The following CD200R1L variants were observed in gnomAD, a reference collection of about 807,000 sequenced individuals.
CD200R1L encodes the protein CD200 receptor 1 like, also known as cell surface glycoprotein CD200 receptor 2.
A neutral mutation model predicts 24.8 loss-of-function variants in CD200R1L; 14 were observed. The observed-to-expected ratio is 0.56, with a 90% CI of 0.37 to 0.88. The LOEUF is 0.88. Ranked by LOEUF, CD200R1L falls within the 40% of genes least tolerant of loss-of-function variation. CD200R1L has a pLI of 0.00. For missense variants in CD200R1L, 299 were observed against 297.8 expected, an observed-to-expected ratio of 1.00 and a Z score of -0.03; for synonymous variants, 111 against 109.2, an observed-to-expected ratio of 1.02 and a Z score of -0.11.
At chr3:112,822,521 G>T (rs935887182) in intron 6 of CD200R1L, among the ~76,000 whole-genome samples, 2 of 152,132 alleles carry the variant, frequency 1.3e-5, no homozygotes, top group Non-Finnish European at 2.9e-5. Context: ...GAGAGCTTCT[G>T]GGTTGGGAGA....
At chr3:112,826,864 C>A in intron 6 of CD200R1L, 129 bp downstream of exon 6, 1 of 1,068,962 alleles carries the variant, frequency 9.4e-7, no homozygotes, top group Non-Finnish European at 1.3e-6. Flanking sequence ...TAATGCATTT[C>A]TCAGTTTGAG....
intron 7 of CD200R1L, among the ~76,000 whole-genome samples, 160 bp from the exon 8 acceptor site, chr3:112,816,135 A>G (rs1053370357): frequency 2.6e-5 from 4 of 152,236 alleles, no homozygotes; most frequent in African/African-American, 7.2e-5. Flanking sequence ...TCAATTACCT[A>G]AGACACCAGG....
chr3:112,822,123 A>G (rs761014208), intron 6 of CD200R1L, among the ~76,000 whole-genome samples: 1 of 152,228 alleles, frequency 6.6e-6, no homozygotes, highest in Non-Finnish European at 1.5e-5. Flanking sequence ...CAAGGACCTT[A>G]CACTGTGCTG....
intron 3 of CD200R1L, among the ~76,000 whole-genome samples, chr3:112,833,303 A>C (rs1291792544): frequency 6.6e-6 from 1 of 152,228 alleles, no homozygotes; most frequent in East Asian, 1.9e-4. Flanking sequence ...TCATAAAATC[A>C]GGCAGATCTG....
At chr3:112,822,474 A>G (rs1197252279) in intron 6 of CD200R1L, among the ~76,000 whole-genome samples, 1 of 152,126 alleles carries the variant, frequency 6.6e-6, no homozygotes, top group Non-Finnish European at 1.5e-5. Context: ...TACCTATGTA[A>G]TAGAGCCTCC....
At chr3:112,832,769 A>G (rs1205943780) in intron 3 of CD200R1L, among the ~76,000 whole-genome samples, 1 of 152,242 alleles carries the variant, frequency 6.6e-6, no homozygotes, top group Non-Finnish European at 1.5e-5. Flanking sequence ...AACATTCATC[A>G]GGAAGGAACA....
rs574749341 is a variant in CD200R1L at position 112,843,422 on chromosome 3, G to C, written c.-87+2257C>G. Among the ~76,000 whole-genome samples the C allele has an allele frequency of 2.0e-5, 3 of 152,302 alleles. No homozygotes were observed. In the East Asian group the frequency reaches 5.8e-4, roughly 29 times the overall value. ...TTGGGGTCTATTTTCAGTATCTTTA[G>C]AGAAAAGAAATTCCAACCAAGGATT... On this transcript the variant is annotated intron_variant, in intron 2 of 7. Coordinates refer to ENST00000488794, the MANE Select transcript of CD200R1L (RefSeq NM_001199215.3).
At chr3:112,820,981 C>T (rs1316631311) in intron 6 of CD200R1L, among the ~76,000 whole-genome samples, 2 of 151,000 alleles carry the variant, frequency 1.3e-5, no homozygotes, top group African/African-American at 4.9e-5. Flanking sequence ...CTCTTGAACC[C>T]AGGAGGCAGA....
chr3:112,819,183 A>C (rs1938471892), intron 7 of CD200R1L, among the ~76,000 whole-genome samples: 1 of 152,056 alleles, frequency 6.6e-6, no homozygotes, highest in South Asian at 2.1e-4. Context: ...AATCACCTAC[A>C]CCAAGTCCCT....
intron 3 of CD200R1L, among the ~76,000 whole-genome samples, chr3:112,830,818 A>G (rs1938779194): frequency 6.6e-6 from 1 of 151,772 alleles, no homozygotes; most frequent in East Asian, 1.9e-4. Flanking sequence ...GTTGGAGAGG[A>G]GAGAGGAGAG....
chr3:112,845,424 A>G (rs1465898283), intron 2 of CD200R1L, among the ~76,000 whole-genome samples: 1 of 152,154 alleles, frequency 6.6e-6, no homozygotes, highest in Non-Finnish European at 1.5e-5. Flanking sequence ...GCAGCCCAGG[A>G]CCACTTTTAG....
In CD200R1L at chr3:112,838,473, A is replaced by C. The variant is rs189277387; in HGVS notation, c.-86-463T>G. On this transcript the variant is annotated intron_variant, in intron 2 of 7. Coordinates refer to ENST00000488794, the MANE Select transcript of CD200R1L (RefSeq NM_001199215.3). ...CAAATGCATGGCTGAATTTGCAAAAAAAACAAACAAACAAACAAAAAAAAA... is the reference window on the plus strand; with the variant it reads ...CAAATGCATGGCTGAATTTGCAAAACAAACAAACAAACAAACAAAAAAAAA... 5.3e-3 allele frequency among the ~76,000 whole-genome samples: 667 copies of C among 125,476 alleles called. 6 individuals carry two copies. Among genetic ancestry groups the C allele is most frequent in the East Asian group, 0.049 (217 of 4,414 alleles). The allele number at this position is 125,476 out of a possible 152,430, so 82.3% of individuals were successfully genotyped here. A position where few individuals can be genotyped will look rare whatever the true frequency, so the allele number is the denominator to read the frequency against.
In CD200R1L at chr3:112,845,764, A is replaced by T. The variant is rs1290907068; in HGVS notation, c.-172T>A. 1 of 1,518,190 alleles carries T rather than the reference A, an allele frequency of 6.6e-7. No individual in the cohort carries two copies. Among genetic ancestry groups the T allele is most frequent in the South Asian group, 1.1e-5 (1 of 88,050 alleles). The allele number at this position is 1,518,190 out of a possible 1,614,324, so 94.0% of individuals were successfully genotyped here. A position where few individuals can be genotyped will look rare whatever the true frequency, so the allele number is the denominator to read the frequency against. ...GCTTTTGGAGTGGTTTTCTACTTAAACATAAATCCACTTTAAATCAATCAA... is the reference window on the plus strand; with the variant it reads ...GCTTTTGGAGTGGTTTTCTACTTAATCATAAATCCACTTTAAATCAATCAA... On this transcript the variant is annotated 5_prime_UTR_variant, in exon 2 of 8. Coordinates refer to ENST00000488794, the MANE Select transcript of CD200R1L (RefSeq NM_001199215.3).
At chr3:112,836,797 C>T (rs1321026700) in intron 3 of CD200R1L, among the ~76,000 whole-genome samples, 1 of 152,168 alleles carries the variant, frequency 6.6e-6, no homozygotes, top group Non-Finnish European at 1.5e-5. Context: ...ATTTGATATG[C>T]TGATATGTGG....
chr3:112,845,613 A>T, intron 2 of CD200R1L, 66 bp downstream of exon 2: 1 of 1,243,750 alleles, frequency 8.0e-7, no homozygotes, highest in Non-Finnish European at 1.2e-6. Flanking sequence ...GTAGATCAAG[A>T]GTATCCTCAT....
At chr3:112,829,197 C>G (rs1451595133) in intron 4 of CD200R1L, 122 bp downstream of exon 4, 1 of 708,864 alleles carries the variant, frequency 1.4e-6, no homozygotes, top group South Asian at 1.8e-5. Context: ...CCACAGCACT[C>G]AGATCAACAT....
At chr3:112,829,594 T>C in intron 3 of CD200R1L, 1 of 904,714 alleles carries the variant, frequency 1.1e-6, no homozygotes, top group East Asian at 1.2e-4. Flanking sequence ...TTATAAGCAA[T>C]TGATAATGAT....
chr3:112,828,480 A>G (rs187095333), intron 4 of CD200R1L, among the ~76,000 whole-genome samples: 1 of 152,270 alleles, frequency 6.6e-6, no homozygotes, highest in East Asian at 1.9e-4. Flanking sequence ...AAAAAGCTTT[A>G]TTTTCCTTTG....
intron 3 of CD200R1L, among the ~76,000 whole-genome samples, chr3:112,831,569 G>C (rs1938799657): frequency 6.6e-6 from 1 of 152,192 alleles, no homozygotes; most frequent in Admixed American, 6.5e-5. Flanking sequence ...CTAAGGTAAA[G>C]TCATACTTGA....
Sources: gnomAD v4.1 joint callset for allele counts (sites outside exome capture counted in the v4.1 genomes callset) on GRCh38, gnomAD v4.1.1 for gene constraint, MANE v1.5 for transcripts, NCBI Gene and HGNC (gene_info 2026-07-23, HGNC 2026-07-21) for gene names.